Variants in FUT8 observed in about 807,000 individuals in gnomAD.
The protein encoded by FUT8 is fucosyltransferase 8, also known as alpha-(1,6)-fucosyltransferase.
A neutral mutation model predicts 71.3 loss-of-function variants in FUT8; 29 were observed. The ratio of observed to expected loss-of-function variants is 0.41; its 90% CI spans 0.30 to 0.55. The LOEUF (loss-of-function observed/expected upper bound fraction) is 0.55. Ranked by LOEUF, FUT8 falls within the 20% of genes least tolerant of loss-of-function variation. The pLI is 0.34. For synonymous variants in FUT8, 254 were observed against 239.3 expected (o/e 1.06, Z -0.57); for missense variants, 544 against 702.1 (o/e 0.77, Z 2.55).
intron 3 of FUT8, among the ~76,000 whole-genome samples, chr14:65,563,597 C>CT (rs1886032737): frequency 6.6e-6 from 1 of 151,946 alleles, no homozygotes; most frequent in Non-Finnish European, 1.5e-5. Context: ...TTGGAGTTTG[C>CT]TTTGATTGTA....
chr14:65,639,654 C>T (rs1890735845), intron 6 of FUT8, among the ~76,000 whole-genome samples: 1 of 151,982 alleles, frequency 6.6e-6, no homozygotes, highest in African/African-American at 2.4e-5. Flanking sequence ...TGGGCTCCTT[C>T]GTCATTCCTT....
chr14:65,714,428 T>TTTA (rs1019624955), intron 7 of FUT8, among the ~76,000 whole-genome samples: 1 of 65,024 alleles, frequency 1.5e-5, no homozygotes, highest in African/African-American at 3.0e-5. Flanking sequence ...ATTTTATTTA[T>TTTA]TTATTTATTT....
chr14:65,566,065 G>C (rs1301237923), intron 3 of FUT8, among the ~76,000 whole-genome samples: 2 of 151,730 alleles, frequency 1.3e-5, no homozygotes, highest in Non-Finnish European at 1.5e-5. Flanking sequence ...ATTATAAATA[G>C]GGTCACTCAT....
chr14:65,582,602 C>G (rs1887152256), intron 3 of FUT8, among the ~76,000 whole-genome samples: 3 of 152,188 alleles, frequency 2.0e-5, no homozygotes, highest in Admixed American at 2.0e-4. Context: ...CCTCATTCAT[C>G]TGAATTAGGT....
At chr14:65,387,872 T>C in the FUT8 span, among the ~76,000 whole-genome samples, 1 of 152,234 alleles carries the variant, frequency 6.6e-6, no homozygotes, top group Non-Finnish European at 1.5e-5. Context: ...TATTCCATCA[T>C]GACCACAAGT....
chr14:65,512,203 G>A (rs996212098), intron 2 of FUT8, among the ~76,000 whole-genome samples: 10 of 152,166 alleles, frequency 6.6e-5, no homozygotes, highest in African/African-American at 2.4e-4. Flanking sequence ...TTGCTCGGTT[G>A]CCCAGGGTGG....
At chr14:65,430,619 C>A (rs901408566) in intron 1 of FUT8, among the ~76,000 whole-genome samples, 1 of 152,096 alleles carries the variant, frequency 6.6e-6, no homozygotes, top group African/African-American at 2.4e-5. Context: ...GAATACTTGT[C>A]TTTAAGAAAA....
At chr14:65,592,938 A>G (rs1289390385) in intron 3 of FUT8, among the ~76,000 whole-genome samples, 1 of 152,202 alleles carries the variant, frequency 6.6e-6, no homozygotes, top group South Asian at 2.1e-4. Context: ...GGCTGGACCA[A>G]GGCATGTTCT....
intron 3 of FUT8, among the ~76,000 whole-genome samples, chr14:65,608,632 T>C (rs1427039564): frequency 1.3e-5 from 2 of 151,970 alleles, no homozygotes; most frequent in East Asian, 3.9e-4. Flanking sequence ...AGAATAATTT[T>C]TGAAATACAT....
In FUT8 at chr14:65,542,251, C is replaced by A. The variant is rs1157282565; in HGVS notation, c.-227-19086C>A. 2.6e-5 allele frequency among the ~76,000 whole-genome samples: 4 copies of A among 152,086 alleles called. No homozygotes were observed. In the East Asian group the frequency reaches 7.7e-4, roughly 29 times the overall value. ...CAAAGTAATGCAGGTTCGGATATGT[C>A]CTGCTTGATTCTTTACTGTCCCATT... On this transcript the variant is annotated intron_variant, in intron 2 of 10. Transcript: ENST00000673929.
intron 3 of FUT8, among the ~76,000 whole-genome samples, chr14:65,596,636 A>G (rs1002730696): frequency 2.0e-5 from 3 of 152,328 alleles, no homozygotes; most frequent in East Asian, 3.9e-4. Flanking sequence ...TTTTCAACCA[A>G]TACCTTTAGG....
chr14:65,416,680 A>G (rs1180827444), intron 1 of FUT8, among the ~76,000 whole-genome samples: 1 of 152,106 alleles, frequency 6.6e-6, no homozygotes. Context: ...AAAGATATTT[A>G]CGACTGATTT....
chr14:65,630,224 A>G (rs1890112697), intron 6 of FUT8, among the ~76,000 whole-genome samples: 1 of 152,182 alleles, frequency 6.6e-6, no homozygotes, highest in Non-Finnish European at 1.5e-5. Flanking sequence ...CATAGGCAGT[A>G]AGGGGTCACT....
chr14:65,590,713 C>T (rs1887640002), intron 3 of FUT8, among the ~76,000 whole-genome samples: 1 of 152,134 alleles, frequency 6.6e-6, no homozygotes, highest in Admixed American at 6.5e-5. Flanking sequence ...TTCAGTAACT[C>T]AGAGAAATCC....
intron 7 of FUT8, among the ~76,000 whole-genome samples, chr14:65,708,984 T>C (rs1256787386): frequency 6.6e-6 from 1 of 152,174 alleles, no homozygotes; most frequent in Non-Finnish European, 1.5e-5. Flanking sequence ...TCAAAATTGC[T>C]AAAAGAATTT....
Position 65,669,216 on chromosome 14 carries a change from A to C in FUT8, c.598-27A>C, listed in dbSNP as rs1892361843. The stretch of plus-strand genomic sequence containing the variant: ...TGACCTCTCTGTACAACTTATCTTT[A>C]TTTTCATTTCTCTTTCTCCCTGACA... On this transcript the variant is annotated intron_variant, in intron 6 of 10. Coordinates refer to ENST00000673929, the MANE Select transcript of FUT8 (RefSeq NM_001371533.1). The surrounding 1 kb of genome is among the most constrained non-coding windows in gnomAD (Gnocchi z 4.5). The C allele has an allele frequency of 1.1e-5, 17 of 1,563,992 alleles. No homozygotes were observed. In the East Asian group the frequency reaches 3.8e-4, roughly 35 times the overall value.
chr14:65,448,530 G>A (rs1369231859), intron 1 of FUT8, among the ~76,000 whole-genome samples: 1 of 152,150 alleles, frequency 6.6e-6, no homozygotes, highest in Non-Finnish European at 1.5e-5. Context: ...CAGTATCCTT[G>A]TGAGATAAGT....
At position 65,629,527 on chromosome 14, in the gene FUT8, C is replaced by T. The variant is rs1270507745; in HGVS notation, c.518C>T (p.Thr173Ile). ...IMTDLYYLSQ[T>I]DGAGDWREKE... is the part of the protein sequence containing the mutation. ...ACGGATCTATACTACCTCAGTCAGA[C>T]AGATGGAGCAGGTGATTGGCGGGAA... The change falls in exon 6 of 11, where the codon ACA (threonine) becomes ATA (isoleucine). Residue 173 changes from threonine to isoleucine, a missense_variant. Transcript: ENST00000673929. The T allele has an allele frequency of 6.2e-7, 1 of 1,613,688 alleles. No homozygotes were observed. Among genetic ancestry groups the T allele is most frequent in the Non-Finnish European group, 8.5e-7 (1 of 1,179,700 alleles).
chr14:65,736,093 G>T (rs1418463135), intron 10 of FUT8, among the ~76,000 whole-genome samples: 3 of 152,074 alleles, frequency 2.0e-5, no homozygotes, highest in Non-Finnish European at 4.4e-5. Flanking sequence ...CCAATTACTG[G>T]CTGTGTGTCC....
Sources: gnomAD v4.1 joint callset for allele counts (sites outside exome capture counted in the v4.1 genomes callset) on GRCh38, gnomAD v4.1.1 for gene constraint, Gnocchi (gnomAD v3.1) non-coding constraint, MANE v1.5 for transcripts, NCBI Gene and HGNC (gene_info 2026-07-23, HGNC 2026-07-21) for gene names.